HELZ: variants seen among roughly 807,000 people sequenced by gnomAD.
HELZ encodes the protein ATP-dependent RNA helicase with zinc finger domain.
HELZ carries 23 observed loss-of-function variants against 218.2 expected under a neutral mutation model. The observed-to-expected ratio is 0.11, with a 90% confidence interval of 0.08 to 0.15. The LOEUF (loss-of-function observed/expected upper bound fraction) is 0.15, where lower values mean the gene tolerates loss of function less well. Among genes scored for constraint, HELZ ranks in the 10% least tolerant of loss-of-function variants. The probability of loss-of-function intolerance (pLI) is 1.00; values close to 1 mark genes in which losing one functional copy is unlikely to be tolerated. For missense variants in HELZ, 1,813 were observed against 2,353.7 expected, an observed-to-expected ratio of 0.77 and a Z score of 4.75; for synonymous variants, 814 against 829.4, an observed-to-expected ratio of 0.98 and a Z score of 0.32.
chr17:67,084,437 C>A (rs1248689444), intron 32 of HELZ, among the ~76,000 whole-genome samples: 2 of 151,076 alleles, frequency 1.3e-5, no homozygotes, highest in African/African-American at 4.9e-5. Context: ...CCGAGGCGGG[C>A]GGATCACAAG....
rs2040665008 is a variant in HELZ, at chr17:67,218,530, C to G, written c.210+65G>C. On this transcript the variant is annotated intron_variant, in intron 4 of 32. Transcript: ENST00000358691. ...GCCCAGAATTAGCTATTTGTATCGT[C>G]ACCCCTCAATGAAAAAGGCCATTTT... 12 of 1,191,048 alleles carry G rather than the reference C, an allele frequency of 1.0e-5. No individual in the cohort carries two copies. The South Asian group carries it at 1.5e-4, about 15-fold the overall frequency. 73.8% of individuals were successfully genotyped at this position (1,191,048 alleles called of 1,614,324 possible). A position where few individuals can be genotyped will look rare whatever the true frequency, so the allele number is the denominator to read the frequency against.
intron 7 of HELZ, 78 bp from the exon 8 acceptor site, chr17:67,195,548 TA>T: frequency 1.2e-6 from 1 of 811,334 alleles, no homozygotes; most frequent in Non-Finnish European, 2.1e-6. Flanking sequence ...TTTTCAATAT[TA>T]AAACAAAGGT....
chr17:67,075,337 C>T lies in HELZ; in HGVS notation c.*2915G>A, dbSNP rs1160002544. On this transcript the variant is annotated 3_prime_UTR_variant, in exon 33 of 33. Transcript: ENST00000358691. ...AAAAAGACATTATGTGAACAATTAA[C>T]CTCACTTAGAAAAAAATCTGCTCTG... The T allele has an allele frequency of 2.0e-5, 3 of 152,022 alleles. No individual in the cohort carries two copies. The highest frequency in any genetic ancestry group is 7.2e-5 in the African/African-American group (3 of 41,412). The allele number at this position is 152,022 out of a possible 1,614,324, so 9.4% of individuals were successfully genotyped here. A position where few individuals can be genotyped will look rare whatever the true frequency, so the allele number is the denominator to read the frequency against.
intron 3 of HELZ, among the ~76,000 whole-genome samples, chr17:67,222,801 G>A (rs1249542720): frequency 6.6e-6 from 1 of 152,206 alleles, no homozygotes; most frequent in Non-Finnish European, 1.5e-5. Flanking sequence ...ATAATACGCA[G>A]TGAGAGATCT....
At position 67,108,439 on chromosome 17, in the gene HELZ, G is replaced by A. The variant is rs568838396; in HGVS notation, c.4724+53C>T. On this transcript the variant is annotated intron_variant, in intron 30 of 32. Transcript: ENST00000358691. This position sits in a 1 kb window ranked among gnomAD's most constrained non-coding sequence, Gnocchi z 4.1. ...AGCTAAAAGGACTACAGTCAAAAAA[G>A]AGAACAGTGAGGGGGTCGCATTCCA... 5.8e-4 allele frequency: 791 copies of A among 1,369,226 alleles called. No individual in the cohort carries two copies. Among genetic ancestry groups the A allele is most frequent in the Non-Finnish European group, 8.0e-4 (772 of 964,276 alleles). 84.8% of individuals were successfully genotyped at this position (1,369,226 alleles called of 1,614,324 possible).
Position 67,123,989 on chromosome 17 carries a change from T to C in HELZ, c.3413A>G (p.Asn1138Ser). The change falls in exon 25 of 33, where the codon AAT becomes AGT. Residue 1138 changes from asparagine to serine, a missense_variant. Coordinates refer to ENST00000358691, the MANE Select transcript of HELZ (RefSeq NM_014877.4). Reference protein sequence around the residue: ...PKGKSLHHTQNDHFQNDGIVQ... With the variant: ...PKGKSLHHTQSDHFQNDGIVQ... ...AATTCCATCATTCTGGAAGTGATCA[T>C]TCTGGGTATGATGAAGACTTTTCCC... 1 of 1,608,084 alleles carries C rather than the reference T, an allele frequency of 6.2e-7. No homozygotes were observed. Among genetic ancestry groups the C allele is most frequent in the Non-Finnish European group, 8.5e-7 (1 of 1,175,298 alleles).
In HELZ at chr17:67,188,190, A is replaced by G. The variant is rs1454285659; in HGVS notation, c.1162+129T>C. 1 of 830,342 alleles carries G rather than the reference A, an allele frequency of 1.2e-6. No homozygotes were observed. Among genetic ancestry groups the G allele is most frequent in the African/African-American group, 1.7e-5 (1 of 58,202 alleles). 51.4% of individuals were successfully genotyped at this position (830,342 alleles called of 1,614,324 possible). ...AAGCCCATTACACAGTAAATGAGTC[A>G]ATTAAGTTGGGATTTTTTTCTTTAT... On this transcript the variant is annotated intron_variant, in intron 12 of 32. Coordinates refer to ENST00000358691, the MANE Select transcript of HELZ (RefSeq NM_014877.4). This position sits in a 1 kb window ranked among gnomAD's most constrained non-coding sequence, Gnocchi z 4.1.
At chr17:67,151,271 A>C (rs766834577) in intron 17 of HELZ, 47 bp from the exon 18 acceptor site, 1 of 1,448,748 alleles carries the variant, frequency 6.9e-7, no homozygotes, top group South Asian at 1.2e-5. Flanking sequence ...TAATTTCTTA[A>C]CAGTATCTAG....
chr17:67,219,598 A>G (rs1215516651), intron 3 of HELZ, among the ~76,000 whole-genome samples: 1 of 151,894 alleles, frequency 6.6e-6, no homozygotes, highest in Non-Finnish European at 1.5e-5. Flanking sequence ...GGGAGAAAAT[A>G]CACAGCCTAA....
chr17:67,122,882 G>A (rs773221351), intron 26 of HELZ, 88 bp downstream of exon 26: 2 of 946,092 alleles, frequency 2.1e-6, no homozygotes, highest in South Asian at 4.1e-5. Flanking sequence ...TAAAAAAGAA[G>A]TTGGTAGAAT....
At chr17:67,207,910 G>A (rs1202469505) in intron 5 of HELZ, among the ~76,000 whole-genome samples, 1 of 152,136 alleles carries the variant, frequency 6.6e-6, no homozygotes, top group African/African-American at 2.4e-5. Flanking sequence ...TTGGGAGGCT[G>A]ACTGCTTGTA....
intron 31 of HELZ, among the ~76,000 whole-genome samples, chr17:67,106,602 C>T (rs1010771693): frequency 9.9e-5 from 15 of 152,162 alleles, no homozygotes; most frequent in African/African-American, 1.9e-4. Flanking sequence ...CCACTGCACC[C>T]GGCAGAAATA....
chr17:67,192,652 C>T (rs968063888), intron 9 of HELZ, among the ~76,000 whole-genome samples: 6 of 152,098 alleles, frequency 3.9e-5, no homozygotes, highest in African/African-American at 1.4e-4. Context: ...AACATAACAC[C>T]ACTAGGATTT....
intron 31 of HELZ, among the ~76,000 whole-genome samples, chr17:67,094,424 G>A (rs1403438513): frequency 1.3e-5 from 2 of 151,394 alleles, no homozygotes; most frequent in Non-Finnish European, 1.5e-5. Context: ...ACATACCTTG[G>A]AGATATTGCA....
intron 14 of HELZ, 95 bp downstream of exon 14, chr17:67,167,368 T>C (rs2144150336): frequency 1.1e-6 from 1 of 932,518 alleles, no homozygotes; most frequent in Non-Finnish European, 1.6e-6. Context: ...GCTTTGCTTT[T>C]GTTTACGGCA....
intron 31 of HELZ, among the ~76,000 whole-genome samples, chr17:67,087,468 G>A (rs564479371): frequency 3.9e-5 from 6 of 152,324 alleles, no homozygotes; most frequent in African/African-American, 9.6e-5. Context: ...GAGCAAATCC[G>A]CTCAAAATTA....
At chr17:67,170,233 T>C (rs993880569) in intron 13 of HELZ, among the ~76,000 whole-genome samples, 2 of 152,234 alleles carry the variant, frequency 1.3e-5, no homozygotes, top group Admixed American at 1.3e-4. Context: ...GTGGGGACTC[T>C]GCACAGTGGC....
chr17:67,177,082 CCCA>C (rs2039481543), intron 13 of HELZ, among the ~76,000 whole-genome samples: 2 of 151,712 alleles, frequency 1.3e-5, no homozygotes, highest in African/African-American at 4.8e-5. Context: ...AAGCGATTCT[CCCA>C]CCTCAGACCT....
At chr17:67,123,831 G>GTGTGTGTT in intron 25 of HELZ, 132 bp downstream of exon 25, 1 of 715,118 alleles carries the variant, frequency 1.4e-6, no homozygotes, top group Non-Finnish European at 2.6e-6. Flanking sequence ...GTGTGTGTGT[G>GTGTGTGTT]TGTGTGTGTG....
Sources: gnomAD v4.1 joint callset for allele counts (sites outside exome capture counted in the v4.1 genomes callset) on GRCh38, gnomAD v4.1.1 for gene constraint, Gnocchi (gnomAD v3.1) non-coding constraint, MANE v1.5 for transcripts, NCBI Gene and HGNC (gene_info 2026-07-23, HGNC 2026-07-21) for gene names.